SHISA9: variants seen among roughly 807,000 people sequenced by gnomAD.
The protein encoded by SHISA9 is shisa family member 9.
A neutral mutation model predicts 38.0 loss-of-function variants in SHISA9; 13 were observed. The observed-to-expected ratio is 0.34, with a 90% CI of 0.22 to 0.54. The LOEUF (loss-of-function observed/expected upper bound fraction) is 0.54, where lower values mean the gene tolerates loss of function less well. Among genes scored for constraint, SHISA9 ranks in the 20% least tolerant of loss-of-function variants. SHISA9 has a pLI of 0.91. For synonymous variants in SHISA9, 275 were observed against 242.0 expected (o/e 1.14, Z -1.27); for missense variants, 538 against 575.8 (o/e 0.93, Z 0.67).
intron 2 of SHISA9, among the ~76,000 whole-genome samples, chr16:13,121,681 A>G (rs2050211895): frequency 6.6e-6 from 1 of 152,086 alleles, no homozygotes; most frequent in South Asian, 2.1e-4. Flanking sequence ...TCCACACCAA[A>G]CTGCATCAAT....
rs114455479 is a variant in SHISA9, at chr16:13,112,016, G to A, written c.692-91378G>A. On this transcript the variant is annotated intron_variant, in intron 2 of 4. Transcript: ENST00000558583. ...TCAAAACCAGGTCTGTCTGACTTTC[G>A]GGCCTTTGCTCTTTCCCATTTGTCT... Among the ~76,000 whole-genome samples, 330 of 152,186 alleles carry A rather than the reference G, an allele frequency of 2.2e-3. 2 individuals are homozygous for A. The highest frequency in any genetic ancestry group is 7.1e-3 in the African/African-American group (296 of 41,538).
intron 2 of SHISA9, among the ~76,000 whole-genome samples, chr16:13,095,149 C>G (rs953917964): frequency 6.6e-6 from 1 of 152,206 alleles, no homozygotes; most frequent in Non-Finnish European, 1.5e-5. Context: ...TTGTTCCTGG[C>G]CATACTTGTG....
At chr16:13,163,660 TTCTC>T (rs2050613511) in intron 2 of SHISA9, among the ~76,000 whole-genome samples, 1 of 152,128 alleles carries the variant, frequency 6.6e-6, no homozygotes, top group Non-Finnish European at 1.5e-5. Flanking sequence ...CTTTTAAAAT[TTCTC>T]TCAGTAAAGT....
the SHISA9 span, among the ~76,000 whole-genome samples, chr16:13,344,192 C>T: frequency 1.3e-5 from 2 of 152,190 alleles, no homozygotes; most frequent in Non-Finnish European, 1.5e-5. Flanking sequence ...GAGTGTGAAT[C>T]ACAGGGCAGA....
rs200194973 is a variant in SHISA9 at position 12,968,189 on chromosome 16, CAAAAAAAAAAAAAAAAAAAAA to C, written c.691+51391_691+51411del. 2.2e-3 allele frequency among the ~76,000 whole-genome samples: 178 copies of C among 82,046 alleles called. 2 individuals carry two copies. The highest frequency in any genetic ancestry group is 0.01 in the East Asian group (29 of 2,876). The allele number at this position is 82,046 out of a possible 152,430, so 53.8% of individuals were successfully genotyped here. On this transcript the variant is annotated intron_variant, in intron 2 of 4. Coordinates refer to ENST00000558583, the MANE Select transcript of SHISA9 (RefSeq NM_001145204.3). The stretch of plus-strand genomic sequence containing the variant: ...TGGGTGACAGAGGAAGGCTCCATCT[CAAAAAAAAAAAAAAAAAAAAA>C]AAAAAAAAAAAAAAAATCCAGAGCT...
the SHISA9 span, among the ~76,000 whole-genome samples, chr16:13,493,932 T>A: frequency 2.0e-5 from 3 of 151,198 alleles, no homozygotes; most frequent in African/African-American, 7.3e-5. Flanking sequence ...AGTTCCAGAC[T>A]CAGTTTACCC....
chr16:13,073,928 A>G (rs1460225830), intron 2 of SHISA9, among the ~76,000 whole-genome samples: 1 of 150,876 alleles, frequency 6.6e-6, no homozygotes, highest in African/African-American at 2.4e-5. Flanking sequence ...TCTGGCCTCT[A>G]GAACCGTGAG....
intron 2 of SHISA9, among the ~76,000 whole-genome samples, chr16:12,930,149 A>G (rs969193639): frequency 2.6e-4 from 40 of 152,164 alleles, no homozygotes; most frequent in Non-Finnish European, 5.0e-4. Context: ...CCCACTCCCT[A>G]CTGTATTCCC....
At chr16:13,211,601 T>G (rs2051120642) in intron 3 of SHISA9, among the ~76,000 whole-genome samples, 1 of 152,248 alleles carries the variant, frequency 6.6e-6, no homozygotes, top group Non-Finnish European at 1.5e-5. Flanking sequence ...AGTATTTTTC[T>G]AATGTCCATG....
the SHISA9 span, among the ~76,000 whole-genome samples, chr16:13,529,878 T>G: frequency 2.0e-5 from 3 of 152,200 alleles, no homozygotes; most frequent in African/African-American, 4.8e-5. Context: ...ACCTGATTGA[T>G]CTGGAGGAAA....
Position 13,227,327 on chromosome 16 carries a change from G to A in SHISA9, c.896-7703G>A, listed in dbSNP as rs76429332. Among the ~76,000 whole-genome samples the A allele has an allele frequency of 2.0e-5, 3 of 152,334 alleles. No homozygotes were observed. The East Asian group carries it at 5.8e-4, about 29-fold the overall frequency. On this transcript the variant is annotated intron_variant, in intron 4 of 4. Coordinates refer to ENST00000558583, the MANE Select transcript of SHISA9 (RefSeq NM_001145204.3). The stretch of plus-strand genomic sequence containing the variant: ...CTGAAGTAGAACAATGTTCAAAGGG[G>A]GTAGGAGAAAGGGAATAGGTTAAGG...
the SHISA9 span, among the ~76,000 whole-genome samples, chr16:13,322,299 C>T: frequency 1.9e-4 from 29 of 152,220 alleles, no homozygotes; most frequent in African/African-American, 5.5e-4. Flanking sequence ...TTCAAATCTA[C>T]AGCCTTTCCC....
At chr16:13,050,124 G>GTAAGTTT (rs2073233785) in intron 2 of SHISA9, among the ~76,000 whole-genome samples, 1 of 151,970 alleles carries the variant, frequency 6.6e-6, no homozygotes, top group Admixed American at 6.6e-5. Context: ...GGATATATTG[G>GTAAGTTT]TAAGTTTTTA....
chr16:12,975,653 G>GGGT lies in SHISA9; in HGVS notation c.691+58840_691+58841insTGG, dbSNP rs1196749551. Among the ~76,000 whole-genome samples, 468 of 144,362 alleles carry GGGT rather than the reference G, an allele frequency of 3.2e-3. 4 individuals carry two copies. The highest frequency in any genetic ancestry group is 0.012 in the African/African-American group (442 of 38,114). 94.7% of individuals were successfully genotyped at this position (144,362 alleles called of 152,430 possible). A position where few individuals can be genotyped will look rare whatever the true frequency, so the allele number is the denominator to read the frequency against. On this transcript the variant is annotated intron_variant, in intron 2 of 4. Coordinates refer to ENST00000558583, the MANE Select transcript of SHISA9 (RefSeq NM_001145204.3). ...ATGGTAAATGGGTGGGGTGGGACGG[G>GGGT]GGCGGGGGGGGTAAGGGCATGTCAC...
In SHISA9 at chr16:12,948,607, T is replaced by G. The variant is rs1218404636; in HGVS notation, c.691+31792T>G. ...GTAAGGGCCTGTTTCTCATACACGGTGACTTCTTGTGTCCTCACATGGTGG... is the reference window on the plus strand; with the variant it reads ...GTAAGGGCCTGTTTCTCATACACGGGGACTTCTTGTGTCCTCACATGGTGG... On this transcript the variant is annotated intron_variant, in intron 2 of 4. Coordinates refer to ENST00000558583, the MANE Select transcript of SHISA9 (RefSeq NM_001145204.3). Among the ~76,000 whole-genome samples, 2 of 152,200 alleles carry G rather than the reference T, an allele frequency of 1.3e-5. 1 individual carries two copies. The highest frequency in any genetic ancestry group is 2.9e-5 in the Non-Finnish European group (2 of 68,048).
the SHISA9 span, among the ~76,000 whole-genome samples, chr16:13,557,122 TGAA>T: frequency 6.6e-6 from 1 of 152,192 alleles, no homozygotes; most frequent in Admixed American, 6.5e-5. Flanking sequence ...AAATAATCAA[TGAA>T]GAATAAGTGA....
intron 4 of SHISA9, among the ~76,000 whole-genome samples, chr16:13,233,000 CA>C (rs1455486928): frequency 1.3e-5 from 2 of 151,898 alleles, no homozygotes; most frequent in African/African-American, 2.4e-5. Flanking sequence ...TTTTACCCCA[CA>C]AAAAAACTTT....
At chr16:13,202,913 T>C (rs567830771) in intron 2 of SHISA9, among the ~76,000 whole-genome samples, 3 of 152,332 alleles carry the variant, frequency 2.0e-5, no homozygotes, top group South Asian at 2.1e-4. Flanking sequence ...CCTGCAAATA[T>C]AGGAAATTGC....
chr16:13,287,356 G>A, the SHISA9 span, among the ~76,000 whole-genome samples: 13 of 152,266 alleles, frequency 8.5e-5, no homozygotes, highest in African/African-American at 2.9e-4. Context: ...GCTTATGTGC[G>A]AATCTGAGCT....
Sources: gnomAD v4.1 joint callset for allele counts (sites outside exome capture counted in the v4.1 genomes callset) on GRCh38, gnomAD v4.1.1 for gene constraint, MANE v1.5 for transcripts, NCBI Gene and HGNC (gene_info 2026-07-23, HGNC 2026-07-21) for gene names.